Variants in SH3BGRL2 observed in about 807,000 individuals in gnomAD.
The protein encoded by SH3BGRL2 is SH3 domain binding glutamate rich protein like 2.
A neutral mutation model predicts 14.8 loss-of-function variants in SH3BGRL2; 21 were observed. That is an observed-to-expected ratio of 1.42 (90% CI 1.01 to 2.05). The LOEUF is 2.05. Among genes scored for constraint, SH3BGRL2 ranks in the 30% most tolerant of loss-of-function variants. The probability of loss-of-function intolerance (pLI) is 0.00; values close to 1 mark genes in which losing one functional copy is unlikely to be tolerated. For synonymous variants in SH3BGRL2, 50 were observed against 47.8 expected (o/e 1.05, Z -0.19); for missense variants, 147 against 130.8 (o/e 1.12, Z -0.61).
chr6:79,636,361 T>C (rs1428704103), intron 1 of SH3BGRL2, among the ~76,000 whole-genome samples: 1 of 152,092 alleles, frequency 6.6e-6, no homozygotes, highest in African/African-American at 2.4e-5. Context: ...AGAACTGCCC[T>C]ATCCAAAATG....
intron 1 of SH3BGRL2, among the ~76,000 whole-genome samples, chr6:79,661,879 T>G (rs1164294010): frequency 6.6e-6 from 1 of 152,250 alleles, no homozygotes; most frequent in South Asian, 2.1e-4. Context: ...TCTTTGCCAT[T>G]ATATAATGGC....
chr6:79,592,280 C>T, the SH3BGRL2 span, among the ~76,000 whole-genome samples: 1 of 152,186 alleles, frequency 6.6e-6, no homozygotes, highest in African/African-American at 2.4e-5. Flanking sequence ...TCCCATAAAC[C>T]TTTATTGAGG....
At chr6:79,680,973 G>A (rs1769977610) in intron 2 of SH3BGRL2, among the ~76,000 whole-genome samples, 1 of 151,908 alleles carries the variant, frequency 6.6e-6, no homozygotes, top group Non-Finnish European at 1.5e-5. Context: ...TTTTTAACTG[G>A]TGGTTGGAAA....
At chr6:79,684,463 G>A (rs1383306933) in intron 2 of SH3BGRL2, among the ~76,000 whole-genome samples, 1 of 151,628 alleles carries the variant, frequency 6.6e-6, no homozygotes, top group Admixed American at 6.6e-5. Flanking sequence ...TTAGTATCTG[G>A]TATCCATTAG....
intron 1 of SH3BGRL2, among the ~76,000 whole-genome samples, chr6:79,671,347 G>A (rs1769769880): frequency 6.6e-6 from 1 of 152,160 alleles, no homozygotes; most frequent in Non-Finnish European, 1.5e-5. Flanking sequence ...CATACTGGAG[G>A]CTGAGGCAGG....
chr6:79,625,789 T>C, the SH3BGRL2 span, among the ~76,000 whole-genome samples: 490 of 152,306 alleles, frequency 3.2e-3, 3 homozygotes, highest in African/African-American at 0.011. Flanking sequence ...GCCAGGAAGA[T>C]AAGGAAGATG....
At chr6:79,688,280 C>T (rs1031678864) in intron 2 of SH3BGRL2, among the ~76,000 whole-genome samples, 1 of 151,586 alleles carries the variant, frequency 6.6e-6, no homozygotes, top group Non-Finnish European at 1.5e-5. Flanking sequence ...ATAAATGTTC[C>T]CTTAGTGAGT....
chr6:79,598,810 C>T, the SH3BGRL2 span, among the ~76,000 whole-genome samples: 4 of 152,048 alleles, frequency 2.6e-5, no homozygotes, highest in African/African-American at 9.7e-5. Context: ...CGGCTGGGCG[C>T]GGTGGCTCAT....
the SH3BGRL2 span, among the ~76,000 whole-genome samples, chr6:79,614,060 T>C: frequency 6.6e-6 from 1 of 152,042 alleles, no homozygotes; most frequent in South Asian, 2.1e-4. Context: ...GTCCCTGTAG[T>C]GAGAGAGTCC....
At chr6:79,622,961 G>A in the SH3BGRL2 span, among the ~76,000 whole-genome samples, 41 of 152,230 alleles carry the variant, frequency 2.7e-4, no homozygotes, top group African/African-American at 9.6e-4. Flanking sequence ...AGTAAAATAA[G>A]GCATTTCACT....
intron 1 of SH3BGRL2, among the ~76,000 whole-genome samples, chr6:79,670,381 C>T (rs927058765): frequency 6.6e-6 from 1 of 152,174 alleles, no homozygotes; most frequent in African/African-American, 2.4e-5. Flanking sequence ...ATGCACTCTT[C>T]GTCCTTTTAG....
At chr6:79,635,647 G>C (rs1768907786) in intron 1 of SH3BGRL2, among the ~76,000 whole-genome samples, 1 of 152,208 alleles carries the variant, frequency 6.6e-6, no homozygotes, top group Non-Finnish European at 1.5e-5. Context: ...TGTTTCCATG[G>C]GGCAGGGTGA....
chr6:79,636,545 A>C (rs1367472096), intron 1 of SH3BGRL2, among the ~76,000 whole-genome samples: 1 of 152,120 alleles, frequency 6.6e-6, no homozygotes, highest in Non-Finnish European at 1.5e-5. Flanking sequence ...AAGTTTGTAT[A>C]TTAGTTCTCT....
chr6:79,595,381 A>G, the SH3BGRL2 span, among the ~76,000 whole-genome samples: 4 of 152,218 alleles, frequency 2.6e-5, no homozygotes, highest in African/African-American at 9.6e-5. Context: ...TTGGCTACAC[A>G]TGTAACTGAT....
At chr6:79,542,053 G>T in the SH3BGRL2 span, among the ~76,000 whole-genome samples, 1 of 151,898 alleles carries the variant, frequency 6.6e-6, no homozygotes. Flanking sequence ...AAACATACCT[G>T]CCTCTACTGG....
the SH3BGRL2 span, among the ~76,000 whole-genome samples, chr6:79,601,650 C>G: frequency 6.6e-6 from 1 of 152,108 alleles, no homozygotes; most frequent in African/African-American, 2.4e-5. Context: ...CTTATTCTCA[C>G]TTGATATAGT....
At chr6:79,653,453 T>C (rs1769344360) in intron 1 of SH3BGRL2, among the ~76,000 whole-genome samples, 1 of 152,250 alleles carries the variant, frequency 6.6e-6, no homozygotes. Flanking sequence ...TTTTAGAACT[T>C]ATCATCAAAT....
chr6:79,548,645 T>C, the SH3BGRL2 span, among the ~76,000 whole-genome samples: 1 of 152,212 alleles, frequency 6.6e-6, no homozygotes, highest in African/African-American at 2.4e-5. Context: ...TTCTCTACCA[T>C]ATGTCTAGCA....
At chr6:79,690,976 T>C (rs1341415390) in intron 2 of SH3BGRL2, among the ~76,000 whole-genome samples, 1 of 152,200 alleles carries the variant, frequency 6.6e-6, no homozygotes, top group Non-Finnish European at 1.5e-5. Context: ...AGATGAATTT[T>C]TTGATTTTTT....
Sources: allele counts gnomAD v4.1 joint callset (sites outside exome capture counted in the v4.1 genomes callset), GRCh38; gene constraint gnomAD v4.1.1; transcripts MANE v1.5; gene names NCBI Gene and HGNC (gene_info 2026-07-23, HGNC 2026-07-21).